Variants in ADAMTSL1 observed in about 807,000 individuals in gnomAD.
ADAMTSL1 encodes ADAMTS like 1.
In ADAMTSL1, 126 loss-of-function variants were observed where a neutral mutation model predicts 201.8. The ratio of observed to expected loss-of-function variants is 0.62; its 90% confidence interval spans 0.54 to 0.72. The LOEUF (loss-of-function observed/expected upper bound fraction) is 0.72, where lower values mean the gene tolerates loss of function less well. ADAMTSL1 is among the 30% of genes least tolerant of loss of function. ADAMTSL1 has a pLI of 0.00. For synonymous variants in ADAMTSL1, 1,121 were observed against 903.4 expected (o/e 1.24, Z -4.32); for missense variants, 2,679 against 2,277.8 (o/e 1.18, Z -3.59).
intron 2 of ADAMTSL1, among the ~76,000 whole-genome samples, chr9:18,375,953 C>G (rs1030819125): frequency 6.6e-6 from 1 of 152,142 alleles, no homozygotes; most frequent in African/African-American, 2.4e-5. Context: ...TTACAAACCT[C>G]TAGCTAGCCA....
At chr9:18,644,816 T>A (rs1827684307) in intron 7 of ADAMTSL1, among the ~76,000 whole-genome samples, 1 of 152,164 alleles carries the variant, frequency 6.6e-6, no homozygotes, top group South Asian at 2.1e-4. Context: ...GTTCCAAGTC[T>A]TTGTTATTGT....
At chr9:18,077,496 A>G (rs1823285296) in intron 1 of ADAMTSL1, among the ~76,000 whole-genome samples, 1 of 152,172 alleles carries the variant, frequency 6.6e-6, no homozygotes. Flanking sequence ...GACCTGTGAT[A>G]TTGAGAAAAT....
intron 1 of ADAMTSL1, among the ~76,000 whole-genome samples, chr9:18,026,090 T>C (rs1308896622): frequency 1.3e-5 from 2 of 152,016 alleles, no homozygotes; most frequent in Admixed American, 1.3e-4. Flanking sequence ...AAGTCATTAT[T>C]AGTTCCAGGA....
At chr9:18,525,242 G>A (rs1448992455) in intron 2 of ADAMTSL1, among the ~76,000 whole-genome samples, 1 of 152,156 alleles carries the variant, frequency 6.6e-6, no homozygotes. Context: ...GGTGTTTATA[G>A]TATTCTCTGA....
At chr9:18,379,858 T>G (rs966720050) in intron 2 of ADAMTSL1, among the ~76,000 whole-genome samples, 1 of 152,206 alleles carries the variant, frequency 6.6e-6, no homozygotes. Context: ...CATTTTTACA[T>G]TCTTGGGCCA....
intron 23 of ADAMTSL1, among the ~76,000 whole-genome samples, chr9:18,865,190 C>T (rs1827444433): frequency 1.3e-5 from 2 of 152,026 alleles, no homozygotes; most frequent in African/African-American, 2.4e-5. Flanking sequence ...TCCCTCCCCG[C>T]TCCCCCCACC....
intron 1 of ADAMTSL1, among the ~76,000 whole-genome samples, chr9:17,913,212 G>GT (rs943398637): frequency 2.9e-4 from 44 of 152,250 alleles, no homozygotes; most frequent in African/African-American, 9.6e-4. Context: ...CTTTAAAGTA[G>GT]TTTTTTCCAA....
intron 2 of ADAMTSL1, among the ~76,000 whole-genome samples, chr9:18,413,054 C>A (rs1226037410): frequency 1.3e-5 from 2 of 151,454 alleles, no homozygotes; most frequent in Non-Finnish European, 2.9e-5. Flanking sequence ...GCGTGTTTTA[C>A]CTTTTTCTAT....
At chr9:18,637,248 ATG>A (rs1054002810) in intron 6 of ADAMTSL1, among the ~76,000 whole-genome samples, 7 of 152,136 alleles carry the variant, frequency 4.6e-5, no homozygotes, top group African/African-American at 1.7e-4. Context: ...AAGATAATGT[ATG>A]TGTGTGTATT....
In ADAMTSL1 at chr9:17,920,992, G is replaced by A. The variant is rs541862927; in HGVS notation, c.87+14070G>A. Among the ~76,000 whole-genome samples, 12 of 152,222 alleles carry A rather than the reference G, an allele frequency of 7.9e-5. No individual in the cohort carries two copies. The East Asian group carries it at 2.3e-3, about 29-fold the overall frequency. On this transcript the variant is annotated intron_variant, in intron 1 of 29. Coordinates refer to the ADAMTSL1 transcript ENST00000680146. ...AAATTCACCATGCTAGGTTCTTTGTGGGCTTTCAGTAGATCTGTCTCTTTC... is the reference window on the plus strand; with the variant it reads ...AAATTCACCATGCTAGGTTCTTTGTAGGCTTTCAGTAGATCTGTCTCTTTC...
intron 2 of ADAMTSL1, among the ~76,000 whole-genome samples, chr9:18,305,876 C>G (rs893353716): frequency 5.7e-4 from 87 of 152,088 alleles, no homozygotes; most frequent in African/African-American, 2.0e-3. Flanking sequence ...AGACTGCCTC[C>G]TCAAGTGGGT....
At chr9:18,038,260 A>C (rs984735381) in intron 1 of ADAMTSL1, among the ~76,000 whole-genome samples, 6 of 152,136 alleles carry the variant, frequency 3.9e-5, no homozygotes, top group Non-Finnish European at 8.8e-5. Flanking sequence ...CAGCTTGGGA[A>C]CATTTCCAAG....
chr9:18,625,319 CA>C (rs1347820533), intron 5 of ADAMTSL1, among the ~76,000 whole-genome samples: 29 of 150,782 alleles, frequency 1.9e-4, no homozygotes, highest in African/African-American at 6.3e-4. Context: ...AGGAACAAAG[CA>C]AAAACAGGAA....
At chr9:18,784,410 G>A (rs562025863) in intron 19 of ADAMTSL1, among the ~76,000 whole-genome samples, 1 of 152,198 alleles carries the variant, frequency 6.6e-6, no homozygotes, top group African/African-American at 2.4e-5. Context: ...GGAATGAATA[G>A]TTGGATGCCC....
chr9:18,789,134 T>C (rs1821880212), intron 19 of ADAMTSL1, among the ~76,000 whole-genome samples: 1 of 152,212 alleles, frequency 6.6e-6, no homozygotes, highest in African/African-American at 2.4e-5. Flanking sequence ...TCCCCATGTC[T>C]TCACGACATC....
intron 2 of ADAMTSL1, among the ~76,000 whole-genome samples, chr9:18,465,243 C>G (rs1457080354): frequency 6.6e-6 from 1 of 152,172 alleles, no homozygotes; most frequent in Non-Finnish European, 1.5e-5. Flanking sequence ...ATTGTCTCAG[C>G]TGCCAGAAGG....
chr9:18,290,650 T>C (rs1563862686), intron 2 of ADAMTSL1, among the ~76,000 whole-genome samples: 1 of 151,886 alleles, frequency 6.6e-6, no homozygotes, highest in African/African-American at 2.4e-5. Context: ...CTAGAATCTA[T>C]GCCATCTAGT....
At chr9:18,810,376 A>G (rs1057233180) in intron 20 of ADAMTSL1, among the ~76,000 whole-genome samples, 5 of 152,352 alleles carry the variant, frequency 3.3e-5, no homozygotes, top group African/African-American at 2.4e-5. Flanking sequence ...TAAAATGGCA[A>G]AGAAGAAAGA....
intron 2 of ADAMTSL1, among the ~76,000 whole-genome samples, chr9:18,420,804 A>G (rs1335316573): frequency 1.3e-5 from 2 of 152,220 alleles, no homozygotes; most frequent in African/African-American, 2.4e-5. Flanking sequence ...GCTTAAAATT[A>G]AAAGGACTAG....
Sources: allele counts gnomAD v4.1 joint callset (sites outside exome capture counted in the v4.1 genomes callset), GRCh38; gene constraint gnomAD v4.1.1; transcripts MANE v1.5; gene names NCBI Gene and HGNC (gene_info 2026-07-23, HGNC 2026-07-21).